FPR3: variants seen among roughly 807,000 people sequenced by gnomAD.
FPR3 encodes N-formyl peptide receptor 3.
For synonymous variants in FPR3, 135 were observed against 163.6 expected (o/e 0.83, Z 1.34); for missense variants, 346 against 443.2 (o/e 0.78, Z 1.97).
chr19:51,807,339 G>C (rs1340496363), intron 1 of FPR3, among the ~76,000 whole-genome samples: 1 of 152,190 alleles, frequency 6.6e-6, no homozygotes. Context: ...AGGAGCCAGG[G>C]AGTGAGGCCC....
At chr19:51,812,591 C>T (rs993542286) in intron 1 of FPR3, among the ~76,000 whole-genome samples, 12 of 152,198 alleles carry the variant, frequency 7.9e-5, no homozygotes, top group African/African-American at 2.9e-4. Flanking sequence ...TGAAGAAACA[C>T]AATACACCTT....
In FPR3 at chr19:51,796,930, T is replaced by G. The variant is rs535968276; in HGVS notation, c.-11+1599T>G. Among the ~76,000 whole-genome samples the G allele has an allele frequency of 2.0e-5, 3 of 152,176 alleles. No homozygotes were observed. In the South Asian group the frequency reaches 6.2e-4, roughly 31 times the overall value. On this transcript the variant is annotated intron_variant, in intron 1 of 1. Coordinates refer to ENST00000339223, the MANE Select transcript of FPR3 (RefSeq NM_002030.5). ...TGGTTTAATCCCAGAGACTGGATGA[T>G]ATCATTTATAGAATGTGAGATACCC...
chr19:51,818,436 C>T (rs2084160690), intron 1 of FPR3, among the ~76,000 whole-genome samples: 1 of 152,098 alleles, frequency 6.6e-6, no homozygotes, highest in Non-Finnish European at 1.5e-5. Context: ...AGACACAGCA[C>T]TGAAAGAAGG....
chr19:51,817,991 T>TTTTTC (rs1166580246), intron 1 of FPR3, among the ~76,000 whole-genome samples: 7 of 152,018 alleles, frequency 4.6e-5, no homozygotes, highest in East Asian at 3.8e-4. Context: ...TTTTTTTTCT[T>TTTTTC]TTTTCTTTTC....
intron 1 of FPR3, chr19:51,811,450 C>G (rs1185801363): frequency 6.6e-6 from 1 of 152,186 alleles, no homozygotes; most frequent in Non-Finnish European, 1.5e-5. Context: ...GGAACTGATC[C>G]CAGTACCTCT....
intron 1 of FPR3, among the ~76,000 whole-genome samples, 170 bp downstream of exon 1, chr19:51,795,501 A>ATTTTTTTTTTTTTTTTTTT (rs1361472024): frequency 1.0e-4 from 8 of 77,062 alleles, no homozygotes; most frequent in Admixed American, 2.8e-4. Flanking sequence ...TTCCAGTAAC[A>ATTTTTTTTTTTTTTTTTTT]TTCTTTTTTT....
intron 1 of FPR3, among the ~76,000 whole-genome samples, chr19:51,822,994 C>T (rs1373749294): frequency 6.6e-6 from 1 of 152,100 alleles, no homozygotes; most frequent in Non-Finnish European, 1.5e-5. Context: ...TCCTAAGTAG[C>T]TGGAGTTACA....
intron 1 of FPR3, among the ~76,000 whole-genome samples, chr19:51,807,289 G>C (rs1336877131): frequency 6.6e-6 from 1 of 152,130 alleles, no homozygotes; most frequent in African/African-American, 2.4e-5. Flanking sequence ...AACAGTAGGC[G>C]CTAGATTTCT....
At position 51,824,347 on chromosome 19, in the gene FPR3, T is replaced by C. The variant is rs2084214876; in HGVS notation, c.599T>C (p.Val200Ala). 6 of 1,613,996 alleles carry C rather than the reference T, an allele frequency of 3.7e-6. No individual in the cohort carries two copies. The South Asian group carries it at 5.5e-5, about 15-fold the overall frequency. Residue 200 changes from valine to alanine, a missense_variant, in exon 2 of 2, where the codon GTC becomes GCC. Physicochemically the swap from Val to Ala is moderately conservative, Grantham distance 64 (BLOSUM62 0). Transcript: ENST00000339223. This position sits in a 1 kb window ranked among gnomAD's most constrained non-coding sequence, Gnocchi z 4.7. Reference protein sequence around the residue: ...RLNVFITMAKVFLILHFIIGF... With the variant: ...RLNVFITMAKAFLILHFIIGF... ...AACGTGTTCATTACCATGGCCAAGGTCTTTCTGATCCTCCACTTCATTATT... is the reference window on the plus strand; with the variant it reads ...AACGTGTTCATTACCATGGCCAAGGCCTTTCTGATCCTCCACTTCATTATT...
chr19:51,823,155 G>A (rs901653894), intron 1 of FPR3, among the ~76,000 whole-genome samples: 50 of 152,152 alleles, frequency 3.3e-4, no homozygotes, highest in African/African-American at 1.1e-3. Flanking sequence ...GAGTCACCAC[G>A]CCCGGCCTAT....
In FPR3 at chr19:51,825,627, T is replaced by C. The variant is rs1215920362; in HGVS notation, c.*817T>C. On this transcript the variant is annotated 3_prime_UTR_variant, in exon 2 of 2. Transcript: ENST00000339223. ...AACCATGGGCTAAAACCAACATACATCTTAATACCAGATACCCTAATCCCA... is the reference window on the plus strand; with the variant it reads ...AACCATGGGCTAAAACCAACATACACCTTAATACCAGATACCCTAATCCCA... 1 of 167,076 alleles carries C rather than the reference T, an allele frequency of 6.0e-6. No homozygotes were observed. The highest frequency in any genetic ancestry group is 1.5e-5 in the Non-Finnish European group (1 of 68,130). 10.3% of individuals were successfully genotyped at this position (167,076 alleles called of 1,614,324 possible).
chr19:51,810,187 T>A (rs887339225), intron 1 of FPR3, among the ~76,000 whole-genome samples: 8 of 152,234 alleles, frequency 5.3e-5, no homozygotes, highest in African/African-American at 1.7e-4. Flanking sequence ...AATTAGCCAC[T>A]GCTTGCGCTA....
intron 1 of FPR3, among the ~76,000 whole-genome samples, chr19:51,816,862 G>A (rs10422101): frequency 1.3e-5 from 2 of 152,056 alleles, no homozygotes; most frequent in Non-Finnish European, 2.9e-5. Context: ...TTGGAAAAAA[G>A]CCCACACATA....
chr19:51,818,407 T>C (rs771258479), intron 1 of FPR3, among the ~76,000 whole-genome samples: 4 of 152,180 alleles, frequency 2.6e-5, no homozygotes, highest in South Asian at 2.1e-4. Flanking sequence ...TGTGTTTCCA[T>C]TGGACAGTGC....
intron 1 of FPR3, among the ~76,000 whole-genome samples, chr19:51,801,543 G>A (rs1350603423): frequency 6.6e-6 from 1 of 152,210 alleles, no homozygotes; most frequent in African/African-American, 2.4e-5. Context: ...CACTTTAGGA[G>A]GCCGAAGTGG....
chr19:51,819,724 T>C (rs1599839730), intron 1 of FPR3, among the ~76,000 whole-genome samples: 1 of 152,328 alleles, frequency 6.6e-6, no homozygotes, highest in East Asian at 1.9e-4. Context: ...GACAACCATT[T>C]CTAAAGTTTG....
intron 1 of FPR3, among the ~76,000 whole-genome samples, chr19:51,807,887 A>G (rs1056694935): frequency 3.3e-5 from 5 of 152,206 alleles, no homozygotes; most frequent in Non-Finnish European, 5.9e-5. Flanking sequence ...CCATAGTCAC[A>G]ATTTGTGTAA....
At chr19:51,820,823 G>A (rs911998612) in intron 1 of FPR3, among the ~76,000 whole-genome samples, 1 of 152,118 alleles carries the variant, frequency 6.6e-6, no homozygotes, top group Admixed American at 6.5e-5. Context: ...GTGTACAATG[G>A]TTATACTAAT....
Position 51,824,205 on chromosome 19 carries a change from A to C in FPR3, c.457A>C (p.Thr153Pro), listed in dbSNP as rs1223604343. The C allele has an allele frequency of 6.2e-7, 1 of 1,613,938 alleles. No homozygotes were observed. Among genetic ancestry groups the C allele is most frequent in the African/African-American group, 1.3e-5 (1 of 74,894 alleles). Residue 153 changes from threonine to proline, a missense_variant, in exon 2 of 2, where the codon ACC becomes CCC. Physicochemically the swap from Thr to Pro is conservative, Grantham distance 38. Transcript: ENST00000339223. This position sits in a 1 kb window ranked among gnomAD's most constrained non-coding sequence, Gnocchi z 4.7. ...KRVMTGLWIFTIVLTLPNFIF... is the reference protein window; with the variant it reads ...KRVMTGLWIFPIVLTLPNFIF... ...GGTGATGACGGGACTCTGGATTTTC[A>C]CCATAGTCCTTACCTTACCAAATTT...
Sources: allele counts gnomAD v4.1 joint callset (sites outside exome capture counted in the v4.1 genomes callset), GRCh38; gene constraint gnomAD v4.1.1; non-coding constraint Gnocchi (gnomAD v3.1); transcripts MANE v1.5; gene names NCBI Gene and HGNC (gene_info 2026-07-23, HGNC 2026-07-21).